Variants in CRTC1 observed in about 807,000 individuals in gnomAD.
The protein encoded by CRTC1 is CREB-regulated transcription coactivator 1.
Under a neutral mutation model 66.1 loss-of-function variants are expected in CRTC1, and 18 were observed. That is an observed-to-expected ratio of 0.27 (90% CI 0.19 to 0.40). The LOEUF is 0.40. Among genes scored for constraint, CRTC1 ranks in the 10% least tolerant of loss-of-function variants. CRTC1 has a pLI of 1.00. For missense variants in CRTC1, 669 were observed against 887.9 expected, an observed-to-expected ratio of 0.75 and a Z score of 3.13; for synonymous variants, 416 against 398.8, an observed-to-expected ratio of 1.04 and a Z score of -0.51.
At chr19:18,751,090 G>C (rs1417110296) in intron 5 of CRTC1, among the ~76,000 whole-genome samples, 1 of 152,192 alleles carries the variant, frequency 6.6e-6, no homozygotes, top group African/African-American at 2.4e-5. Flanking sequence ...CGCCTGAGGT[G>C]GTGACAGGGC....
At chr19:18,753,123 A>T (rs190567893) in intron 5 of CRTC1, among the ~76,000 whole-genome samples, 9 of 151,990 alleles carry the variant, frequency 5.9e-5, no homozygotes, top group East Asian at 1.9e-4. Context: ...AAATAAAAAA[A>T]AAATTAGCCT....
intron 6 of CRTC1, among the ~76,000 whole-genome samples, chr19:18,757,299 G>A (rs1266236713): frequency 6.6e-6 from 1 of 152,152 alleles, no homozygotes; most frequent in Non-Finnish European, 1.5e-5. Flanking sequence ...GGAGCCTGTA[G>A]TTCCCCAGGG....
chr19:18,775,544 A>C, intron 12 of CRTC1, 97 bp from the exon 13 acceptor site: 1 of 1,123,784 alleles, frequency 8.9e-7, no homozygotes, highest in Non-Finnish European at 1.2e-6. Flanking sequence ...CAGAGTCCCC[A>C]GCTGCGGGCA....
intron 1 of CRTC1, among the ~76,000 whole-genome samples, chr19:18,721,436 A>G (rs1345125412): frequency 1.4e-5 from 2 of 138,750 alleles, no homozygotes; most frequent in African/African-American, 2.8e-5. Context: ...CTTGTGATCC[A>G]CCCACCTTGG....
chr19:18,769,021 T>G (rs2054803060), intron 10 of CRTC1, among the ~76,000 whole-genome samples: 1 of 152,222 alleles, frequency 6.6e-6, no homozygotes, highest in East Asian at 1.9e-4. Context: ...GGCCCCAGAT[T>G]CCACCCAAGG....
At chr19:18,757,839 A>C (rs1600963649) in intron 6 of CRTC1, among the ~76,000 whole-genome samples, 1 of 151,364 alleles carries the variant, frequency 6.6e-6, no homozygotes, top group Non-Finnish European at 1.5e-5. Context: ...ACATGGTGAA[A>C]CCCCGTCTCT....
chr19:18,742,997 G>A lies in CRTC1; in HGVS notation c.214G>A (p.Gly72Arg). 6.2e-7 allele frequency: 1 copy of A among 1,613,018 alleles called. No individual in the cohort carries two copies. The highest frequency in any genetic ancestry group is 1.1e-5 in the South Asian group (1 of 91,050). The change falls in exon 2 of 14, where the codon GGG (glycine) becomes AGG (arginine). Residue 72 changes from glycine to arginine, a missense_variant. Physicochemically the swap from Gly to Arg is moderately radical, Grantham distance 125 (BLOSUM62 -2). This residue lies in a region of CRTC1 where 214 missense variants were observed against 323.4 expected (regional missense o/e 0.66). Transcript: ENST00000321949. The stretch of plus-strand genomic sequence containing the variant: ...GTCCCTGCCCAACGTGAACCAGATC[G>A]GGAGTGGCACCATGGACCTGCCCTT... ...GGSLPNVNQI[G>R]SGTMDLPFQT...
At chr19:18,714,645 G>A (rs1320879463) in intron 1 of CRTC1, among the ~76,000 whole-genome samples, 2 of 152,188 alleles carry the variant, frequency 1.3e-5, no homozygotes, top group Non-Finnish European at 2.9e-5. Context: ...GCAGCTTCCC[G>A]TCCACTGGTC....
chr19:18,780,829 A>G lies in CRTC1; in HGVS notation c.*3447A>G. On this transcript the variant is annotated 3_prime_UTR_variant, in exon 14 of 14. Transcript: ENST00000321949. The stretch of plus-strand genomic sequence containing the variant: ...CAGGTGTGAGCCACTTCTGCCCAGC[A>G]TCCCAGGCCTGAACAGCCTTGGCAG... 4.5e-6 allele frequency: 1 copy of G among 223,914 alleles called. No individual in the cohort carries two copies. The highest frequency in any genetic ancestry group is 6.5e-5 in the East Asian group (1 of 15,490). 13.9% of individuals were successfully genotyped at this position (223,914 alleles called of 1,614,324 possible).
intron 1 of CRTC1, among the ~76,000 whole-genome samples, chr19:18,713,225 G>C (rs2053431227): frequency 6.6e-6 from 1 of 152,192 alleles, no homozygotes; most frequent in South Asian, 2.1e-4. Context: ...TGTATGGATG[G>C]AGCACATCTG....
At chr19:18,705,544 C>T (rs929253812) in intron 1 of CRTC1, among the ~76,000 whole-genome samples, 1 of 152,138 alleles carries the variant, frequency 6.6e-6, no homozygotes, top group African/African-American at 2.4e-5. Flanking sequence ...GTCTCGAACT[C>T]CTGACCTCAG....
At chr19:18,742,433 A>G (rs959042211) in intron 1 of CRTC1, among the ~76,000 whole-genome samples, 35 of 152,278 alleles carry the variant, frequency 2.3e-4, no homozygotes, top group African/African-American at 8.2e-4. Context: ...TCGGGATCAC[A>G]AGTCCCACGC....
In CRTC1 at chr19:18,775,661, G is replaced by A; in HGVS notation, c.1533G>A (p.Met511Ile). The change falls in exon 13 of 14, where the codon ATG (methionine) becomes ATA (isoleucine). Residue 511 changes from methionine to isoleucine, a missense_variant. Met to Ile is a conservative substitution (Grantham distance 10). Transcript: ENST00000321949. ...CCCAGCTGGAGCAGTTCAACATGATGGAGAACGCCATCAGCTCCAGCAGCC... is the reference window on the plus strand; with the variant it reads ...CCCAGCTGGAGCAGTTCAACATGATAGAGAACGCCATCAGCTCCAGCAGCC... ...LSHQLEQFNM[M>I]ENAISSSSLY... 1 of 1,603,872 alleles carries A rather than the reference G, an allele frequency of 6.2e-7. No homozygotes were observed. The highest frequency in any genetic ancestry group is 1.7e-4 in the Middle Eastern group (1 of 5,936).
chr19:18,758,241 T>C (rs977975286), intron 6 of CRTC1, among the ~76,000 whole-genome samples: 7 of 148,700 alleles, frequency 4.7e-5, no homozygotes, highest in Non-Finnish European at 1.0e-4. Flanking sequence ...GCACCTGTAG[T>C]CCCAGCTACG....
chr19:18,743,040 C>T lies in CRTC1; in HGVS notation c.243+14C>T. On this transcript the variant is annotated intron_variant, in intron 2 of 13. Coordinates refer to ENST00000321949, the MANE Select transcript of CRTC1 (RefSeq NM_015321.3). Reference sequence around the variant, plus strand: ...CTGCCCTTCCAGGTGAGTGCCCCGCCCCCTGGCCCTGCCCCATTGTGGGGA... The same window carrying T: ...CTGCCCTTCCAGGTGAGTGCCCCGCTCCCTGGCCCTGCCCCATTGTGGGGA... The T allele has an allele frequency of 6.3e-7, 1 of 1,588,514 alleles. No individual in the cohort carries two copies. The highest frequency in any genetic ancestry group is 8.6e-7 in the Non-Finnish European group (1 of 1,157,872).
At chr19:18,752,421 C>T (rs987427552) in intron 5 of CRTC1, among the ~76,000 whole-genome samples, 3 of 152,266 alleles carry the variant, frequency 2.0e-5, no homozygotes, top group East Asian at 3.9e-4. Context: ...CAGGCTCAAG[C>T]GAGCCCTCCA....
intron 8 of CRTC1, among the ~76,000 whole-genome samples, chr19:18,763,920 G>C (rs1204438576): frequency 6.6e-6 from 1 of 152,234 alleles, no homozygotes; most frequent in African/African-American, 2.4e-5. Flanking sequence ...GTGACTCTGA[G>C]TGTGCTCTGA....
At chr19:18,759,744 C>A (rs747407006) in intron 7 of CRTC1, among the ~76,000 whole-genome samples, 153 bp downstream of exon 7, 4 of 152,168 alleles carry the variant, frequency 2.6e-5, no homozygotes, top group South Asian at 2.1e-4. Flanking sequence ...CATGCCCACC[C>A]CTCAGGCACC....
At chr19:18,748,650 T>C (rs2054298106) in intron 4 of CRTC1, among the ~76,000 whole-genome samples, 1 of 148,724 alleles carries the variant, frequency 6.7e-6, no homozygotes, top group Non-Finnish European at 1.5e-5. Flanking sequence ...CAGTGAGCTA[T>C]GATCATGCCA....
Sources: gnomAD v4.1 joint callset for allele counts (sites outside exome capture counted in the v4.1 genomes callset) on GRCh38, gnomAD v4.1.1 for gene constraint, gnomAD v4.1.1 regional missense constraint, MANE v1.5 for transcripts, NCBI Gene and HGNC (gene_info 2026-07-23, HGNC 2026-07-21) for gene names.